Variants in LARP1 observed in about 807,000 individuals in gnomAD.
The protein encoded by LARP1 is La ribonucleoprotein 1, translational regulator, also known as la-related protein 1.
In LARP1, 36 loss-of-function variants were observed where a neutral mutation model predicts 122.7. The observed-to-expected ratio is 0.29, with a 90% CI of 0.22 to 0.39. LARP1 has a LOEUF of 0.39. LARP1 is among the 10% of genes least tolerant of loss of function. The pLI is 1.00. For missense variants in LARP1, 1,040 were observed against 1,403.6 expected (o/e 0.74, Z 4.14); for synonymous variants, 539 against 528.7 (o/e 1.02, Z -0.27).
In LARP1 at chr5:154,802,517, T is replaced by G; in HGVS notation, c.2109+118T>G. On this transcript the variant is annotated intron_variant, in intron 11 of 18. Transcript: ENST00000518297. The surrounding 1 kb of genome is among the most constrained non-coding windows in gnomAD (Gnocchi z 5.1). ...GTCCTTATAATTCAGAGTCTCAGGA[T>G]TTTTATATATGGGAAGGGGATGATG... The G allele has an allele frequency of 2.4e-6, 3 of 1,226,734 alleles. No individual in the cohort carries two copies. The highest frequency in any genetic ancestry group is 2.2e-6 in the Non-Finnish European group (2 of 908,986). 76.0% of individuals were successfully genotyped at this position (1,226,734 alleles called of 1,614,324 possible). A position where few individuals can be genotyped will look rare whatever the true frequency, so the allele number is the denominator to read the frequency against.
chr5:154,767,591 T>C (rs1755058611), intron 1 of LARP1, among the ~76,000 whole-genome samples: 1 of 152,240 alleles, frequency 6.6e-6, no homozygotes, highest in African/African-American at 2.4e-5. Flanking sequence ...CAAATTGTGG[T>C]GCTTGAGAAT....
chr5:154,769,532 G>C (rs781390643), intron 1 of LARP1, among the ~76,000 whole-genome samples: 1 of 152,220 alleles, frequency 6.6e-6, no homozygotes, highest in African/African-American at 2.4e-5. Context: ...GGTAGGGGGA[G>C]TGAGTGTGAT....
At chr5:154,756,519 T>G in intron 1 of LARP1, 1 of 983,230 alleles carries the variant, frequency 1.0e-6, no homozygotes, top group Non-Finnish European at 1.2e-6. Flanking sequence ...CACCGCATGC[T>G]GGTGTAAGAG....
chr5:154,702,045 G>C (rs1422697610), intron 1 of LARP1, among the ~76,000 whole-genome samples: 2 of 152,160 alleles, frequency 1.3e-5, no homozygotes, highest in Middle Eastern at 3.2e-3. Context: ...ACAGGGAGGA[G>C]ACATCCTGAT....
chr5:154,797,221 GTTTT>G (rs1158010359), intron 8 of LARP1, among the ~76,000 whole-genome samples: 2 of 29,748 alleles, frequency 6.7e-5, no homozygotes, highest in African/African-American at 1.0e-4. Flanking sequence ...TGTTGTTGTT[GTTTT>G]TTTTTTTTTT....
At chr5:154,800,857 C>G (rs1758291011) in intron 10 of LARP1, among the ~76,000 whole-genome samples, 1 of 152,182 alleles carries the variant, frequency 6.6e-6, no homozygotes, top group South Asian at 2.1e-4. Context: ...TTTCTCTTGC[C>G]TGCCTGTTCA....
rs1326748339 is a variant in LARP1, at chr5:154,815,926, T to C, written c.*1830T>C. On this transcript the variant is annotated 3_prime_UTR_variant, in exon 19 of 19. Coordinates refer to ENST00000518297, the MANE Select transcript of LARP1 (RefSeq NM_033551.3). ...TGGGATCTGGGCAACATGGAGTTCA[T>C]TGTCCTGTTGCTTACTTACTGCAAT... The C allele has an allele frequency of 2.6e-5, 4 of 152,264 alleles. No homozygotes were observed. The highest frequency in any genetic ancestry group is 4.4e-5 in the Non-Finnish European group (3 of 68,046). The allele number at this position is 152,264 out of a possible 1,614,324, so 9.4% of individuals were successfully genotyped here. A position where few individuals can be genotyped will look rare whatever the true frequency, so the allele number is the denominator to read the frequency against.
chr5:154,713,184 G>A, intron 1 of LARP1: 1 of 1,495,346 alleles, frequency 6.7e-7, no homozygotes, highest in Non-Finnish European at 9.2e-7. Flanking sequence ...GGTGTGGTAG[G>A]AAGATCCTTC....
At chr5:154,748,474 G>T (rs1753316313) in intron 1 of LARP1, among the ~76,000 whole-genome samples, 2 of 152,152 alleles carry the variant, frequency 1.3e-5, no homozygotes, top group Non-Finnish European at 2.9e-5. Context: ...ATATGTTTTA[G>T]GAAAACTGCC....
At chr5:154,726,082 C>T (rs144148253) in intron 1 of LARP1, among the ~76,000 whole-genome samples, 2,039 of 152,208 alleles carry the variant, frequency 0.013, 33 homozygotes, top group African/African-American at 0.046. Context: ...TCAAGTGATC[C>T]GCCCACCTTG....
chr5:154,699,600 T>C (rs1324020133), intron 1 of LARP1, among the ~76,000 whole-genome samples: 2 of 152,146 alleles, frequency 1.3e-5, no homozygotes, highest in Non-Finnish European at 2.9e-5. Context: ...AACTAAAGAA[T>C]AGACAGGGGA....
chr5:154,729,971 T>C (rs1430533682), intron 1 of LARP1, among the ~76,000 whole-genome samples: 2 of 152,176 alleles, frequency 1.3e-5, no homozygotes, highest in African/African-American at 4.8e-5. Context: ...TTTAGTAAGA[T>C]ACTGGCAGAA....
upstream of LARP1, among the ~76,000 whole-genome samples, chr5:154,712,476 G>C (rs934479297): frequency 6.6e-6 from 1 of 152,200 alleles, no homozygotes; most frequent in African/African-American, 2.4e-5. Context: ...CAAGGACTCA[G>C]TTGTTCCACT....
intron 1 of LARP1, among the ~76,000 whole-genome samples, chr5:154,769,524 TA>T (rs1755231856): frequency 6.6e-6 from 1 of 152,054 alleles, no homozygotes. Context: ...AGAGGTGAGG[TA>T]GGGGGAGTGA....
Position 154,793,851 on chromosome 5 carries a change from A to T in LARP1, c.920A>T (p.Gln307Leu). Reference protein sequence around the residue: ...VPVAPPTPAWQPEIKPEPAWH... With the variant: ...VPVAPPTPAWLPEIKPEPAWH... ...GTGGCCCCCCCCACCCCAGCCTGGC[A>T]ACCAGAGATCAAACCGGAGCCTGCC... is the stretch of plus-strand genomic sequence containing the variant. The change falls in exon 6 of 19, where the codon CAA becomes CTA. Residue 307 changes from glutamine (Q) to leucine (L), a missense_variant. Gln to Leu is a moderately radical substitution (Grantham distance 113). Around this residue, in one of 8 missense-constraint regions of LARP1, gnomAD observed 178 missense variants for 178.3 expected, o/e 1.00. Coordinates refer to ENST00000518297, the MANE Select transcript of LARP1 (RefSeq NM_033551.3). 6.2e-7 allele frequency: 1 copy of T among 1,614,112 alleles called. No individual in the cohort carries two copies.
At chr5:154,715,305 C>T (rs1357954503) in intron 1 of LARP1, among the ~76,000 whole-genome samples, 2 of 136,978 alleles carry the variant, frequency 1.5e-5, no homozygotes, top group African/African-American at 5.2e-5. Flanking sequence ...TCACTTATTG[C>T]CCAGGCTGGA....
At chr5:154,685,454 T>C (rs1753885471) in intron 1 of LARP1, among the ~76,000 whole-genome samples, 2 of 152,146 alleles carry the variant, frequency 1.3e-5, no homozygotes, top group Admixed American at 1.3e-4. Context: ...GGCCCCTTCT[T>C]ATCCTTCAGT....
chr5:154,777,300 C>T (rs1487370985), intron 1 of LARP1, among the ~76,000 whole-genome samples: 1 of 151,138 alleles, frequency 6.6e-6, no homozygotes, highest in Non-Finnish European at 1.5e-5. Context: ...CGCCTGAGGT[C>T]AGGAGTTCAA....
intron 1 of LARP1, among the ~76,000 whole-genome samples, chr5:154,776,521 C>A (rs997145184): frequency 1.3e-5 from 2 of 152,216 alleles, no homozygotes; most frequent in Non-Finnish European, 2.9e-5. Flanking sequence ...ACAAGTGAGA[C>A]CCTGCACTGG....
Sources: allele counts gnomAD v4.1 joint callset (sites outside exome capture counted in the v4.1 genomes callset), GRCh38; gene constraint gnomAD v4.1.1; regional missense constraint gnomAD v4.1.1; non-coding constraint Gnocchi (gnomAD v3.1); transcripts MANE v1.5; gene names NCBI Gene and HGNC (gene_info 2026-07-23, HGNC 2026-07-21).